The following SLC44A1 variants were observed in gnomAD, a reference collection of about 807,000 sequenced individuals.
The protein encoded by SLC44A1 is choline transporter-like protein 1.
SLC44A1 carries 26 observed loss-of-function variants against 79.3 expected under a neutral mutation model. The observed-to-expected ratio is 0.33, with a 90% CI of 0.24 to 0.46. The LOEUF is 0.46. SLC44A1 is among the 20% of genes least tolerant of loss of function. The pLI is 1.00. For missense variants in SLC44A1, 688 were observed against 798.1 expected (o/e 0.86, Z 1.66); for synonymous variants, 263 against 286.2 (o/e 0.92, Z 0.82).
chr9:105,410,131 A>C (rs1273904411), intron 15 of SLC44A1, among the ~76,000 whole-genome samples: 2 of 152,234 alleles, frequency 1.3e-5, no homozygotes, highest in Non-Finnish European at 2.9e-5. Context: ...TAAACCTCTT[A>C]GAAGAACTCA....
chr9:105,371,172 G>A (rs1273612789), intron 12 of SLC44A1, among the ~76,000 whole-genome samples: 1 of 152,192 alleles, frequency 6.6e-6, no homozygotes, highest in Non-Finnish European at 1.5e-5. Context: ...GAGCAAATGT[G>A]GTTTGTATTT....
intron 2 of SLC44A1, among the ~76,000 whole-genome samples, chr9:105,305,021 A>AGT (rs1426504090): frequency 8.9e-6 from 1 of 111,858 alleles, no homozygotes; most frequent in Non-Finnish European, 1.6e-5. Context: ...CCCAGGCTGG[A>AGT]GTGCAGTAGC....
intron 12 of SLC44A1, among the ~76,000 whole-genome samples, chr9:105,373,337 C>G (rs1228848255): frequency 6.6e-6 from 1 of 152,090 alleles, no homozygotes; most frequent in Non-Finnish European, 1.5e-5. Flanking sequence ...TCCTAAGACT[C>G]AAACATATTT....
exon 16 of SLC44A1, chr9:105,438,464 G>A (rs1829491453): frequency 5.4e-6 from 3 of 559,582 alleles, no homozygotes. Flanking sequence ...ATTTGGTACA[G>A]TGCGGCTGTC....
At position 105,355,165 on chromosome 9, in the gene SLC44A1, A is replaced by G. The variant is rs776150585; in HGVS notation, c.501-1047A>G. ...AGTGTGTATTTATGCATGGACATACATATGGCTCTCATAGAATCCGAGTAA... is the reference window on the plus strand; with the variant it reads ...AGTGTGTATTTATGCATGGACATACGTATGGCTCTCATAGAATCCGAGTAA... On this transcript the variant is annotated intron_variant, in intron 5 of 15. Transcript: ENST00000374720. 5.3e-4 allele frequency among the ~76,000 whole-genome samples: 81 copies of G among 152,264 alleles called. 1 individual carries two copies. The highest frequency in any genetic ancestry group is 1.6e-4 in the Non-Finnish European group (11 of 68,044).
rs952538112 is a variant in SLC44A1 at position 105,390,740 on chromosome 9, T to C, written c.*1684T>C. The C allele has an allele frequency of 6.1e-6, 6 of 985,500 alleles. No individual in the cohort carries two copies. In the African/African-American group the frequency reaches 1.0e-4, roughly 17 times the overall value. 61.0% of individuals were successfully genotyped at this position (985,500 alleles called of 1,614,324 possible). ...CTTTTAAAAGTTCATGTAATATTTCTGATTTTTCAGAATATTTGCAATAAG... is the reference window on the plus strand; with the variant it reads ...CTTTTAAAAGTTCATGTAATATTTCCGATTTTTCAGAATATTTGCAATAAG... On this transcript the variant is annotated 3_prime_UTR_variant, in exon 16 of 16. Coordinates refer to ENST00000374720, the MANE Select transcript of SLC44A1 (RefSeq NM_080546.5).
chr9:105,270,246 TA>T lies in SLC44A1; in HGVS notation c.36+25348del, dbSNP rs1259145335. ...GTGGCATATGTGATGTCCCTTTTTCTAAAAAATTTTCTCCTAAGACTGTCTG... is the reference window on the plus strand; with the variant it reads ...GTGGCATATGTGATGTCCCTTTTTCTAAAAATTTTCTCCTAAGACTGTCTG... On this transcript the variant is annotated intron_variant, in intron 1 of 15. Coordinates refer to ENST00000374720, the MANE Select transcript of SLC44A1 (RefSeq NM_080546.5). 9.2e-5 allele frequency among the ~76,000 whole-genome samples: 14 copies of T among 152,248 alleles called. No homozygotes were observed. In the East Asian group the frequency reaches 2.7e-3, roughly 29 times the overall value.
At chr9:105,366,624 A>G (rs867284778) in intron 12 of SLC44A1, among the ~76,000 whole-genome samples, 195 bp downstream of exon 12, 2 of 152,090 alleles carry the variant, frequency 1.3e-5, no homozygotes, top group African/African-American at 4.8e-5. Context: ...GCTCATTATT[A>G]TTTTAATTTT....
Position 105,391,413 on chromosome 9 carries a change from G to T in SLC44A1, c.*2357G>T. On this transcript the variant is annotated 3_prime_UTR_variant, in exon 16 of 16. Transcript: ENST00000374720. ...TTTTGTTTTACTAACATTGTGTTTAGAAATTATAATCTATGTGTAACCATG... is the reference window on the plus strand; with the variant it reads ...TTTTGTTTTACTAACATTGTGTTTATAAATTATAATCTATGTGTAACCATG... 4.1e-6 allele frequency: 4 copies of T among 985,320 alleles called. No individual in the cohort carries two copies. Among genetic ancestry groups the T allele is most frequent in the Non-Finnish European group, 4.8e-6 (4 of 829,506 alleles). 61.0% of individuals were successfully genotyped at this position (985,320 alleles called of 1,614,324 possible).
In SLC44A1 at chr9:105,244,671, C is replaced by T. The variant is rs1017944384; in HGVS notation, c.-198C>T. ...GCAGGAGACGCGTAGCCGCCGTCGCCGCCGCCGGGGGATGTGGCCGGCGCC... is the reference window on the plus strand; with the variant it reads ...GCAGGAGACGCGTAGCCGCCGTCGCTGCCGCCGGGGGATGTGGCCGGCGCC... On this transcript the variant is annotated 5_prime_UTR_variant, in exon 1 of 16. Transcript: ENST00000374720. 10 of 270,630 alleles carry T rather than the reference C, an allele frequency of 3.7e-5. No individual in the cohort carries two copies. The highest frequency in any genetic ancestry group is 1.6e-4 in the Admixed American group (3 of 18,358). 16.8% of individuals were successfully genotyped at this position (270,630 alleles called of 1,614,324 possible).
intron 3 of SLC44A1, among the ~76,000 whole-genome samples, chr9:105,332,276 C>T (rs1174632232): frequency 6.6e-6 from 1 of 151,942 alleles, no homozygotes; most frequent in Non-Finnish European, 1.5e-5. Context: ...CCTGCCACCA[C>T]ACTCAGCTAA....
At chr9:105,323,215 CAAAAAA>C (rs575818228) in intron 3 of SLC44A1, among the ~76,000 whole-genome samples, 2,340 of 76,600 alleles carry the variant, frequency 0.031, 30 homozygotes, top group Middle Eastern at 0.11. Context: ...AACTCCATCT[CAAAAAA>C]AAAAAAAAAA....
chr9:105,400,141 G>A (rs1828937573), downstream of SLC44A1, among the ~76,000 whole-genome samples: 1 of 152,036 alleles, frequency 6.6e-6, no homozygotes, highest in African/African-American at 2.4e-5. Context: ...GTTGCGGTGA[G>A]CCGAGATCGT....
rs1831087296 is a variant in SLC44A1 at position 105,308,389 on chromosome 9, T to G, written c.127-1335T>G. ...GCTACAATTATCTCAATTTTACAGA[T>G]GAGTAAATTGAGACAGAAAGTTGAA... is the stretch of plus-strand genomic sequence containing the variant. On this transcript the variant is annotated intron_variant, in intron 2 of 15. Transcript: ENST00000374720. 1.3e-5 allele frequency among the ~76,000 whole-genome samples: 2 copies of G among 152,216 alleles called. 1 individual carries two copies. The highest frequency in any genetic ancestry group is 1.3e-4 in the Admixed American group (2 of 15,282).
chr9:105,315,555 T>G (rs1831300363), intron 3 of SLC44A1, among the ~76,000 whole-genome samples: 1 of 152,184 alleles, frequency 6.6e-6, no homozygotes, highest in African/African-American at 2.4e-5. Flanking sequence ...TTTAGGGGAT[T>G]GTACCAATAT....
intron 12 of SLC44A1, among the ~76,000 whole-genome samples, chr9:105,367,606 G>C (rs1827979439): frequency 6.6e-6 from 1 of 152,132 alleles, no homozygotes; most frequent in African/African-American, 2.4e-5. Context: ...TATCCTCGGA[G>C]AGATGTGCTA....
At chr9:105,253,261 A>G (rs1456378184) in intron 1 of SLC44A1, among the ~76,000 whole-genome samples, 6 of 152,212 alleles carry the variant, frequency 3.9e-5, no homozygotes, top group Admixed American at 3.9e-4. Flanking sequence ...TAATATGTAA[A>G]GTAAAAAAAC....
At chr9:105,250,362 C>A (rs1236506271) in intron 1 of SLC44A1, among the ~76,000 whole-genome samples, 1 of 152,080 alleles carries the variant, frequency 6.6e-6, no homozygotes, top group East Asian at 1.9e-4. Flanking sequence ...CTATCAAATA[C>A]TATTTGATGT....
intron 1 of SLC44A1, among the ~76,000 whole-genome samples, chr9:105,282,884 A>T (rs923192117): frequency 1.8e-4 from 28 of 152,026 alleles, no homozygotes; most frequent in Non-Finnish European, 2.6e-4. Flanking sequence ...GCCAAGAAGG[A>T]GGATTTGGGG....
Sources: gnomAD v4.1 joint callset for allele counts (sites outside exome capture counted in the v4.1 genomes callset) on GRCh38, gnomAD v4.1.1 for gene constraint, MANE v1.5 for transcripts, NCBI Gene and HGNC (gene_info 2026-07-23, HGNC 2026-07-21) for gene names.